APBB2: variants seen among roughly 807,000 people sequenced by gnomAD.
APBB2 encodes amyloid beta precursor protein binding family B member 2, also known as Fe65-like 1.
A neutral mutation model predicts 82.5 loss-of-function variants in APBB2; 38 were observed. The ratio of observed to expected loss-of-function variants is 0.46; its 90% CI spans 0.36 to 0.60. APBB2 has a LOEUF of 0.60. APBB2 is among the 20% of genes least tolerant of loss of function. The probability of loss-of-function intolerance (pLI) is 0.00; values close to 1 mark genes in which losing one functional copy is unlikely to be tolerated. For synonymous variants in APBB2, 341 were observed against 368.2 expected, an observed-to-expected ratio of 0.93 and a Z score of 0.85; for missense variants, 772 against 972.3, an observed-to-expected ratio of 0.79 and a Z score of 2.74.
chr4:40,824,331 C>T (rs76901773), intron 15 of APBB2, among the ~76,000 whole-genome samples: 8,974 of 152,168 alleles, frequency 0.059, 487 homozygotes, highest in East Asian at 0.2. Context: ...GTGGATCCCC[C>T]CATTGAGTAG....
chr4:41,115,153 A>T (rs984149903), intron 2 of APBB2, among the ~76,000 whole-genome samples: 7 of 152,182 alleles, frequency 4.6e-5, no homozygotes, highest in African/African-American at 1.7e-4. Context: ...GAACAAAGGC[A>T]TCAGAAATAA....
intron 7 of APBB2, among the ~76,000 whole-genome samples, chr4:40,943,918 A>G (rs570886607): frequency 2.8e-4 from 42 of 152,374 alleles, no homozygotes; most frequent in African/African-American, 9.9e-4. Flanking sequence ...ATGAGAATAT[A>G]AGGCTTACCA....
At chr4:41,078,019 G>A (rs1348447759) in intron 3 of APBB2, among the ~76,000 whole-genome samples, 2 of 152,174 alleles carry the variant, frequency 1.3e-5, no homozygotes, top group Non-Finnish European at 2.9e-5. Context: ...ATTTTAATGT[G>A]CTATACAAGA....
chr4:40,820,767 C>T (rs1747594636), intron 17 of APBB2, among the ~76,000 whole-genome samples: 1 of 152,160 alleles, frequency 6.6e-6, no homozygotes, highest in African/African-American at 2.4e-5. Flanking sequence ...CATCATAAGC[C>T]CGCCATGATC....
intron 10 of APBB2, among the ~76,000 whole-genome samples, chr4:40,927,533 G>C (rs1378163394): frequency 1.3e-5 from 2 of 152,168 alleles, no homozygotes; most frequent in Non-Finnish European, 2.9e-5. Context: ...CCAGGCTGAA[G>C]TGCAGTGGCC....
intron 6 of APBB2, among the ~76,000 whole-genome samples, chr4:40,976,966 T>C (rs1330595910): frequency 6.6e-6 from 1 of 152,130 alleles, no homozygotes; most frequent in Non-Finnish European, 1.5e-5. Context: ...GGAGGATCAC[T>C]TGAGCCCAGG....
At chr4:41,032,670 C>T (rs1579402545) in intron 5 of APBB2, among the ~76,000 whole-genome samples, 1 of 150,960 alleles carries the variant, frequency 6.6e-6, no homozygotes, top group East Asian at 2.0e-4. Context: ...CTGTCATAGT[C>T]AACTAAAATA....
rs566864230 is a variant in APBB2, at chr4:41,118,960, C to T, written c.-260-18210G>A. ...TTCAAGACTGGCCTTGGCAATACAGCGAAACCCCAACTCTACAAAAATACA... is the reference window on the plus strand; with the variant it reads ...TTCAAGACTGGCCTTGGCAATACAGTGAAACCCCAACTCTACAAAAATACA... On this transcript the variant is annotated intron_variant, in intron 2 of 17. Coordinates refer to ENST00000508593, the MANE Select transcript of APBB2 (RefSeq NM_004307.2). Among the ~76,000 whole-genome samples the T allele has an allele frequency of 3.3e-5, 5 of 152,102 alleles. No homozygotes were observed. The South Asian group carries it at 8.3e-4, about 25-fold the overall frequency.
At chr4:41,051,821 C>G (rs1468637060) in intron 4 of APBB2, among the ~76,000 whole-genome samples, 1 of 152,188 alleles carries the variant, frequency 6.6e-6, no homozygotes, top group Non-Finnish European at 1.5e-5. Flanking sequence ...GACCCTGGAG[C>G]TGGGCCACCC....
chr4:40,916,889 G>A (rs900782385), intron 10 of APBB2, among the ~76,000 whole-genome samples: 1 of 152,180 alleles, frequency 6.6e-6, no homozygotes, highest in Non-Finnish European at 1.5e-5. Flanking sequence ...ACCTGAGTGT[G>A]GAGTCTGTGG....
chr4:41,191,819 C>T (rs932607909), intron 1 of APBB2, among the ~76,000 whole-genome samples: 2 of 152,084 alleles, frequency 1.3e-5, no homozygotes, highest in Non-Finnish European at 2.9e-5. Flanking sequence ...GCAAAGAAAA[C>T]AATCAACAAA....
intron 6 of APBB2, among the ~76,000 whole-genome samples, chr4:40,987,373 A>G (rs749963111): frequency 4.6e-5 from 7 of 152,254 alleles, no homozygotes. Flanking sequence ...TTTAAAATGT[A>G]AAGTTACACA....
intron 10 of APBB2, among the ~76,000 whole-genome samples, chr4:40,903,477 A>C (rs558591407): frequency 1.3e-5 from 2 of 152,190 alleles, no homozygotes; most frequent in African/African-American, 4.8e-5. Context: ...AAAAAAATAA[A>C]TAGATAAAAA....
Position 41,000,061 on chromosome 4 carries a change from A to ATGTGTGTGTG in APBB2, c.835+13521_835+13522insCACACACACA, listed in dbSNP as rs1218564307. On this transcript the variant is annotated intron_variant, in intron 6 of 17. Coordinates refer to ENST00000508593, the MANE Select transcript of APBB2 (RefSeq NM_004307.2). ...TGTGTGTGTATGTATATGTATATATATGTGTGTATGTGTGTGTGTGTGTGT... is the reference window on the plus strand; with the variant it reads ...TGTGTGTGTATGTATATGTATATATATGTGTGTGTGTGTGTGTATGTGTGTGTGTGTGTGT... Among the ~76,000 whole-genome samples the ATGTGTGTGTG allele has an allele frequency of 1.5e-3, 169 of 113,206 alleles. 1 individual carries two copies. Among genetic ancestry groups the ATGTGTGTGTG allele is most frequent in the African/African-American group, 6.0e-3 (159 of 26,360 alleles). The allele number at this position is 113,206 out of a possible 152,430, so 74.3% of individuals were successfully genotyped here. A position where few individuals can be genotyped will look rare whatever the true frequency, so the allele number is the denominator to read the frequency against.
At chr4:41,121,473 C>T (rs1034585110) in intron 2 of APBB2, among the ~76,000 whole-genome samples, 8 of 152,248 alleles carry the variant, frequency 5.3e-5, no homozygotes, top group Non-Finnish European at 1.0e-4. Flanking sequence ...CGTGTGTACA[C>T]GCTCATGCGT....
At chr4:41,167,601 G>A (rs1767011720) in intron 1 of APBB2, among the ~76,000 whole-genome samples, 2 of 152,148 alleles carry the variant, frequency 1.3e-5, no homozygotes, top group South Asian at 4.1e-4. Context: ...TAAAACAGTA[G>A]TGAATAATGC....
intron 6 of APBB2, among the ~76,000 whole-genome samples, chr4:40,956,835 C>T (rs1016267850): frequency 6.6e-6 from 1 of 152,062 alleles, no homozygotes; most frequent in Non-Finnish European, 1.5e-5. Context: ...ACATTACATA[C>T]TTTGTCTATT....
Position 41,148,073 on chromosome 4 carries a change from TA to T in APBB2, c.-416-4932del, listed in dbSNP as rs999647613. 7.9e-5 allele frequency among the ~76,000 whole-genome samples: 12 copies of T among 151,690 alleles called. No individual in the cohort carries two copies. In the South Asian group the frequency reaches 8.3e-4, roughly 11 times the overall value. ...ATTGTTTGAAAGAATGAGGGTTCGTTAAAAAAAAATTTTCTTTCAAAAAGAA... is the reference window on the plus strand; with the variant it reads ...ATTGTTTGAAAGAATGAGGGTTCGTTAAAAAAAATTTTCTTTCAAAAAGAA... On this transcript the variant is annotated intron_variant, in intron 1 of 17. Transcript: ENST00000508593.
intron 6 of APBB2, among the ~76,000 whole-genome samples, chr4:40,954,727 G>A (rs1173592306): frequency 3.9e-5 from 6 of 152,266 alleles, no homozygotes; most frequent in East Asian, 3.9e-4. Flanking sequence ...GCAGTGGCAC[G>A]ATCTTGGCTC....
Sources: allele counts gnomAD v4.1 joint callset (sites outside exome capture counted in the v4.1 genomes callset), GRCh38; gene constraint gnomAD v4.1.1; transcripts MANE v1.5; gene names NCBI Gene and HGNC (gene_info 2026-07-23, HGNC 2026-07-21).